CPSF3: variants seen among roughly 807,000 people sequenced by gnomAD.
CPSF3 encodes the protein cleavage and polyadenylation specificity factor subunit 3.
In CPSF3, 57 loss-of-function variants were observed where a neutral mutation model predicts 84.1. That is an observed-to-expected ratio of 0.68 (90% confidence interval 0.55 to 0.85). The LOEUF is 0.85. CPSF3 is among the 40% of genes least tolerant of loss of function. CPSF3 has a pLI of 0.00. For synonymous variants in CPSF3, 275 were observed against 278.1 expected, an observed-to-expected ratio of 0.99 and a Z score of 0.11; for missense variants, 522 against 838.8, an observed-to-expected ratio of 0.62 and a Z score of 4.66.
In CPSF3 at chr2:9,467,773, T is replaced by C; in HGVS notation, c.1853T>C (p.Leu618Pro). 1 of 1,612,168 alleles carries C rather than the reference T, an allele frequency of 6.2e-7. No homozygotes were observed. Among genetic ancestry groups the C allele is most frequent in the Non-Finnish European group, 8.5e-7 (1 of 1,178,602 alleles). The change falls in exon 16 of 18, where the codon CTC becomes CCC. Residue 618 changes from leucine (L) to proline (P), a missense_variant. Coordinates refer to ENST00000238112, the MANE Select transcript of CPSF3 (RefSeq NM_016207.4). Reference sequence around the variant, plus strand: ...TACAGCAAGAGGTTGGAGATCATGCTCCAGTAAGTTTTTCACCCATTATTT... The same window carrying C: ...TACAGCAAGAGGTTGGAGATCATGCCCCAGTAAGTTTTTCACCCATTATTT... Reference protein sequence around the residue: ...HVYSKRLEIMLQDIFGEDCVS... With the variant: ...HVYSKRLEIMPQDIFGEDCVS...
intron 12 of CPSF3, among the ~76,000 whole-genome samples, chr2:9,454,925 C>A (rs1320904804): frequency 6.6e-6 from 1 of 152,062 alleles, no homozygotes; most frequent in Non-Finnish European, 1.5e-5. Flanking sequence ...GAGCTAATCC[C>A]AGTATTGCTC....
chr2:9,437,678 C>T (rs1475279869), intron 7 of CPSF3, among the ~76,000 whole-genome samples: 5 of 152,180 alleles, frequency 3.3e-5, no homozygotes, highest in Non-Finnish European at 7.3e-5. Context: ...TTGGGAAGAG[C>T]ACTCTTATTG....
intron 7 of CPSF3, among the ~76,000 whole-genome samples, chr2:9,436,800 A>G (rs1680801146): frequency 1.3e-5 from 2 of 151,336 alleles, no homozygotes; most frequent in South Asian, 4.2e-4. Flanking sequence ...AATAATAGGG[A>G]TTTGGATCTA....
intron 15 of CPSF3, among the ~76,000 whole-genome samples, chr2:9,466,263 CAAAG>C (rs1281699745): frequency 0.027 from 1,251 of 46,984 alleles, 17 homozygotes; most frequent in African/African-American, 0.055. Flanking sequence ...CACACGCACA[CAAAG>C]ACGCACGCAC....
intron 7 of CPSF3, among the ~76,000 whole-genome samples, chr2:9,436,774 A>AAAAAAAAAAAAAAAAAAATAAT (rs139337028): frequency 7.0e-6 from 1 of 143,002 alleles, no homozygotes; most frequent in African/African-American, 2.6e-5. Context: ...CCATCTCAAA[A>AAAAAAAAAAAAAAAAAAATAAT]AATAATAATA....
intron 16 of CPSF3, among the ~76,000 whole-genome samples, chr2:9,470,981 A>C (rs1682142718): frequency 6.6e-6 from 1 of 152,208 alleles, no homozygotes; most frequent in Admixed American, 6.5e-5. Context: ...TGGGAGGCCA[A>C]GGCAGGTGGA....
intron 7 of CPSF3, among the ~76,000 whole-genome samples, chr2:9,439,213 T>A (rs539526941): frequency 6.6e-5 from 10 of 152,330 alleles, no homozygotes; most frequent in Middle Eastern, 6.8e-3. Context: ...CCTTTTTTTT[T>A]ACCCTTAGTT....
intron 11 of CPSF3, among the ~76,000 whole-genome samples, 182 bp from the exon 12 acceptor site, chr2:9,452,731 G>A (rs112528413): frequency 6.6e-6 from 1 of 152,148 alleles, no homozygotes; most frequent in African/African-American, 2.4e-5. Flanking sequence ...TTTGACATTG[G>A]TAGCAATGCA....
At position 9,457,044 on chromosome 2, in the gene CPSF3, T is replaced by C; in HGVS notation, c.1698+17T>C. 7.0e-7 allele frequency: 1 copy of C among 1,437,330 alleles called. No individual in the cohort carries two copies. The highest frequency in any genetic ancestry group is 2.3e-5 in the East Asian group (1 of 43,856). The allele number at this position is 1,437,330 out of a possible 1,614,324, so 89.0% of individuals were successfully genotyped here. Reference sequence around the variant, plus strand: ...GTATTAGAAGTAAGAAAAGATCATTTACCTAAACAATGAGGGGAAAAAAGT... The same window carrying C: ...GTATTAGAAGTAAGAAAAGATCATTCACCTAAACAATGAGGGGAAAAAAGT... On this transcript the variant is annotated intron_variant, in intron 14 of 17. Coordinates refer to ENST00000238112, the MANE Select transcript of CPSF3 (RefSeq NM_016207.4).
At chr2:9,466,595 C>G (rs1206591047) in intron 15 of CPSF3, among the ~76,000 whole-genome samples, 1 of 151,868 alleles carries the variant, frequency 6.6e-6, no homozygotes, top group Non-Finnish European at 1.5e-5. Context: ...GACCCTGTCT[C>G]TAAATAAATA....
intron 9 of CPSF3, among the ~76,000 whole-genome samples, chr2:9,442,874 A>AG (rs1167120489): frequency 4.6e-5 from 7 of 151,696 alleles, no homozygotes; most frequent in African/African-American, 1.7e-4. Context: ...GAAAAAAAAA[A>AG]TTTCCAGGCC....
At chr2:9,467,814 A>G (rs750473421) in intron 16 of CPSF3, 38 bp downstream of exon 16, 2 of 1,550,806 alleles carry the variant, frequency 1.3e-6, no homozygotes, top group Non-Finnish European at 1.8e-6. Flanking sequence ...CAAGACAGTG[A>G]CAGCGGCCGG....
rs892539333 is a variant in CPSF3 at position 9,442,263 on chromosome 2, G to A, written c.1095+287G>A. Among the ~76,000 whole-genome samples the A allele has an allele frequency of 1.5e-4, 23 of 152,208 alleles. 1 individual carries two copies. Among genetic ancestry groups the A allele is most frequent in the South Asian group, 1.2e-3 (6 of 4,818 alleles). On this transcript the variant is annotated intron_variant, in intron 9 of 17. Coordinates refer to ENST00000238112, the MANE Select transcript of CPSF3 (RefSeq NM_016207.4). ...ACAGGAACCTGTTTGAGACAAACAC[G>A]TGAATACTCTCCGTCCTCTCATGAA...
chr2:9,466,400 ACG>A (rs1397557358), intron 15 of CPSF3, among the ~76,000 whole-genome samples: 1 of 147,722 alleles, frequency 6.8e-6, no homozygotes, highest in Non-Finnish European at 1.5e-5. Context: ...GCGCACACAC[ACG>A]CACGCGCACA....
intron 6 of CPSF3, among the ~76,000 whole-genome samples, chr2:9,435,933 A>G (rs1680762378): frequency 6.6e-6 from 1 of 150,520 alleles, no homozygotes; most frequent in Admixed American, 6.6e-5. Context: ...GGGTTTCACC[A>G]TGTTGGCCAG....
At position 9,443,541 on chromosome 2, in the gene CPSF3, C is replaced by G; in HGVS notation, c.1122C>G (p.Ile374Met). The part of the protein sequence containing the change: ...AKHIMSEPEE[I>M]TTMSGQKLPL... Reference sequence around the variant, plus strand: ...ACATCATGTCTGAACCTGAAGAAATCACTACTATGTCTGGACAGAAGTTAC... The same window carrying G: ...ACATCATGTCTGAACCTGAAGAAATGACTACTATGTCTGGACAGAAGTTAC... Residue 374 changes from isoleucine (I) to methionine (M), a missense_variant, in exon 10 of 18, where the codon ATC (isoleucine) becomes ATG (methionine). Physicochemically the swap from Ile to Met is conservative, Grantham distance 10. Transcript: ENST00000238112. 1 of 1,613,464 alleles carries G rather than the reference C, an allele frequency of 6.2e-7. No individual in the cohort carries two copies. The highest frequency in any genetic ancestry group is 8.5e-7 in the Non-Finnish European group (1 of 1,179,550).
At position 9,465,508 on chromosome 2, in the gene CPSF3, C is replaced by T. The variant is rs563310653; in HGVS notation, c.1787-2199C>T. Among the ~76,000 whole-genome samples the T allele has an allele frequency of 4.6e-4, 70 of 152,012 alleles. No individual in the cohort carries two copies. The South Asian group carries it at 5.4e-3, about 12-fold the overall frequency. The stretch of plus-strand genomic sequence containing the variant: ...ATATTTTCCTGTTTATAGGTGAGGC[C>T]ATAAGATTATTTCTGGTATTTTCCC... On this transcript the variant is annotated intron_variant, in intron 15 of 17. Transcript: ENST00000238112.
intron 12 of CPSF3, among the ~76,000 whole-genome samples, chr2:9,454,840 G>A (rs1165337429): frequency 2.6e-5 from 4 of 152,058 alleles, no homozygotes; most frequent in African/African-American, 7.2e-5. Flanking sequence ...CACTGCGCCG[G>A]GCCCGAGCTC....
At chr2:9,424,311 G>C in intron 1 of CPSF3, 2 of 950,354 alleles carry the variant, frequency 2.1e-6, no homozygotes, top group Non-Finnish European at 2.5e-6. Context: ...GACTTGCCGT[G>C]AGTTTCGATC....
Sources: allele counts gnomAD v4.1 joint callset (sites outside exome capture counted in the v4.1 genomes callset), GRCh38; gene constraint gnomAD v4.1.1; transcripts MANE v1.5; gene names NCBI Gene and HGNC (gene_info 2026-07-23, HGNC 2026-07-21).